CHRDL1: variants seen among roughly 807,000 people sequenced by gnomAD.
The protein encoded by CHRDL1 is chordin-like protein 1.
A neutral mutation model predicts 40.9 loss-of-function variants in CHRDL1; 19 were observed. That is an observed-to-expected ratio of 0.46 (90% CI 0.32 to 0.68). CHRDL1 has a LOEUF of 0.68. Among genes scored for constraint, CHRDL1 ranks in the 30% least tolerant of loss-of-function variants. The pLI is 0.03. For missense variants in CHRDL1, 329 were observed against 352.1 expected, an observed-to-expected ratio of 0.93 and a Z score of 0.53; for synonymous variants, 136 against 123.4, an observed-to-expected ratio of 1.10 and a Z score of -0.68.
intron 4 of CHRDL1, among the ~76,000 whole-genome samples, chrX:110,749,471 A>T (rs1398804358): frequency 8.9e-6 from 1 of 111,773 alleles, no homozygotes; most frequent in Non-Finnish European, 1.9e-5. Context: ...TGGGAGCATA[A>T]CTCTAGAAAA....
intron 4 of CHRDL1, among the ~76,000 whole-genome samples, chrX:110,726,285 C>A (rs914800574): frequency 6.3e-5 from 7 of 110,948 alleles, no homozygotes; most frequent in Admixed American, 1.9e-4. Flanking sequence ...GGAGATGGGG[C>A]CTTTGGGAGG....
chrX:110,762,362 G>C (rs1012706512), intron 3 of CHRDL1, among the ~76,000 whole-genome samples: 1 of 111,578 alleles, frequency 9.0e-6, no homozygotes, highest in Non-Finnish European at 1.9e-5. Context: ...CTTCAGCCTA[G>C]AAGTCCCCAG....
chrX:110,765,171 C>T (rs955872385), intron 2 of CHRDL1, among the ~76,000 whole-genome samples: 2 of 111,067 alleles, frequency 1.8e-5, no homozygotes, highest in Non-Finnish European at 3.8e-5. Context: ...CCTGTTCTTG[C>T]ACCCCCTCCC....
chrX:110,755,140 C>A (rs16986139), intron 4 of CHRDL1, among the ~76,000 whole-genome samples: 2,730 of 110,469 alleles, frequency 0.025, 85 homozygotes, highest in African/African-American at 0.085. Context: ...TGCTTAGAGA[C>A]CAGGATGAAT....
At chrX:110,726,629 C>T (rs781310432) in intron 4 of CHRDL1, among the ~76,000 whole-genome samples, 3 of 112,114 alleles carry the variant, frequency 2.7e-5, no homozygotes, top group South Asian at 3.7e-4. Flanking sequence ...TTCTACTTTA[C>T]GTGGCTGTGA....
intron 8 of CHRDL1, among the ~76,000 whole-genome samples, chrX:110,693,605 T>G (rs2070324351): frequency 9.0e-6 from 1 of 111,081 alleles, no homozygotes; most frequent in South Asian, 3.9e-4. Context: ...TCCTCCTGCC[T>G]CGACCTCCCA....
intron 8 of CHRDL1, among the ~76,000 whole-genome samples, chrX:110,691,131 T>C (rs751401642): frequency 6.1e-4 from 66 of 108,095 alleles, no homozygotes; most frequent in African/African-American, 2.1e-3. Flanking sequence ...GGAGGATCAC[T>C]TGGGCCCGGG....
At chrX:110,748,844 T>C (rs2089303319) in intron 4 of CHRDL1, among the ~76,000 whole-genome samples, 1 of 111,998 alleles carries the variant, frequency 8.9e-6, no homozygotes, top group Non-Finnish European at 1.9e-5. Flanking sequence ...GGTATAGAGA[T>C]TCAGTTTGGG....
chrX:110,734,315 T>C (rs2071224889), intron 4 of CHRDL1, among the ~76,000 whole-genome samples: 2 of 112,159 alleles, frequency 1.8e-5, no homozygotes, highest in Non-Finnish European at 3.8e-5. Context: ...GCTCTAAGGT[T>C]ATGCACACTT....
At chrX:110,789,139 C>T (rs1033314292) in intron 2 of CHRDL1, among the ~76,000 whole-genome samples, 3 of 111,671 alleles carry the variant, frequency 2.7e-5, no homozygotes, top group African/African-American at 9.7e-5. Flanking sequence ...ATAAATATCA[C>T]AAGCAACCAA....
intron 4 of CHRDL1, among the ~76,000 whole-genome samples, chrX:110,734,064 A>T (rs1299857841): frequency 1.8e-5 from 2 of 111,489 alleles, no homozygotes; most frequent in Non-Finnish European, 3.8e-5. Flanking sequence ...ATCTAGAGGC[A>T]AGGTGATTCT....
At chrX:110,781,175 G>C (rs2089936153) in intron 2 of CHRDL1, among the ~76,000 whole-genome samples, 1 of 111,167 alleles carries the variant, frequency 9.0e-6, no homozygotes, top group Non-Finnish European at 1.9e-5. Flanking sequence ...CTACCATTTC[G>C]GTGGGATGAG....
At chrX:110,695,557 A>T (rs1569464407) in intron 7 of CHRDL1, among the ~76,000 whole-genome samples, 1 of 112,442 alleles carries the variant, frequency 8.9e-6, no homozygotes, top group Admixed American at 9.4e-5. Context: ...AGTAAGATTA[A>T]TTGTATTTTA....
At chrX:110,787,699 C>A (rs1011777708) in intron 2 of CHRDL1, among the ~76,000 whole-genome samples, 9 of 111,850 alleles carry the variant, frequency 8.0e-5, no homozygotes, top group African/African-American at 2.9e-4. Context: ...GTCCAGAGGC[C>A]CACTTTTAGC....
At chrX:110,702,351 T>C (rs925622540) in intron 6 of CHRDL1, among the ~76,000 whole-genome samples, 1 of 112,251 alleles carries the variant, frequency 8.9e-6, no homozygotes, top group Non-Finnish European at 1.9e-5. Context: ...CTCTGCAAAG[T>C]CTTCTTCAAA....
At chrX:110,722,052 G>A (rs2070966899) in intron 4 of CHRDL1, among the ~76,000 whole-genome samples, 1 of 111,870 alleles carries the variant, frequency 8.9e-6, no homozygotes, top group African/African-American at 3.2e-5. Flanking sequence ...AGGCTGGAGT[G>A]CATGGTGCGA....
intron 2 of CHRDL1, among the ~76,000 whole-genome samples, chrX:110,784,271 C>T (rs776348467): frequency 4.0e-4 from 45 of 112,007 alleles, no homozygotes; most frequent in Non-Finnish European, 7.7e-4. Context: ...TTTAAGACTT[C>T]ATTTCCAGCC....
At chrX:110,709,956 C>T (rs746969445) in intron 6 of CHRDL1, among the ~76,000 whole-genome samples, 10 of 111,062 alleles carry the variant, frequency 9.0e-5, no homozygotes, top group Non-Finnish European at 1.5e-4. Context: ...GAGCTGAGGT[C>T]ATGCCACTGC....
chrX:110,785,968 A>G (rs1034696315), intron 2 of CHRDL1, among the ~76,000 whole-genome samples: 1 of 112,290 alleles, frequency 8.9e-6, no homozygotes, highest in African/African-American at 3.2e-5. Context: ...CCTTTATTGA[A>G]TTATAATTTA....
Sources: allele counts gnomAD v4.1 joint callset (sites outside exome capture counted in the v4.1 genomes callset), GRCh38; gene constraint gnomAD v4.1.1; transcripts MANE v1.5; gene names NCBI Gene and HGNC (gene_info 2026-07-23, HGNC 2026-07-21).